Variants in GRM8 observed in about 807,000 individuals in gnomAD.
GRM8 encodes glutamate metabotropic receptor 8, also known as metabotropic glutamate receptor 8.
In GRM8, 47 loss-of-function variants were observed where a neutral mutation model predicts 87.2. That is an observed-to-expected ratio of 0.54 (90% CI 0.43 to 0.69). The LOEUF is 0.69. GRM8 is among the 30% of genes least tolerant of loss of function. The pLI is 0.00. For synonymous variants in GRM8, 396 were observed against 404.5 expected (o/e 0.98, Z 0.25); for missense variants, 1,019 against 1,139.2 (o/e 0.89, Z 1.52).
intron 9 of GRM8, among the ~76,000 whole-genome samples, chr7:126,486,697 A>C (rs1807413347): frequency 6.6e-6 from 1 of 152,094 alleles, no homozygotes; most frequent in Non-Finnish European, 1.5e-5. Context: ...TGAAATTAAA[A>C]CTGAGAAATA....
intron 7 of GRM8, among the ~76,000 whole-genome samples, chr7:126,696,259 G>T (rs115415320): frequency 5.5e-4 from 83 of 152,272 alleles, no homozygotes; most frequent in African/African-American, 1.9e-3. Context: ...TACATAAGTA[G>T]GATGTGCAGG....
At chr7:126,655,438 G>A (rs1402247737) in intron 7 of GRM8, among the ~76,000 whole-genome samples, 5 of 152,076 alleles carry the variant, frequency 3.3e-5, no homozygotes, top group East Asian at 1.9e-4. Flanking sequence ...TGTTGAGGGA[G>A]AGATCTGATG....
At chr7:126,867,228 A>T (rs1798678510) in intron 6 of GRM8, among the ~76,000 whole-genome samples, 1 of 152,194 alleles carries the variant, frequency 6.6e-6, no homozygotes, top group South Asian at 2.1e-4. Flanking sequence ...TAAGAACTAA[A>T]CAGGTCAGCG....
intron 3 of GRM8, among the ~76,000 whole-genome samples, chr7:127,022,192 A>G (rs572767031): frequency 2.0e-5 from 3 of 151,604 alleles, no homozygotes; most frequent in African/African-American, 7.3e-5. Flanking sequence ...TTCCAATACA[A>G]ATTTTATTAT....
intron 2 of GRM8, among the ~76,000 whole-genome samples, chr7:127,110,358 G>C (rs908470329): frequency 6.6e-6 from 1 of 152,090 alleles, no homozygotes; most frequent in African/African-American, 2.4e-5. Flanking sequence ...CCCTTCTCTA[G>C]CCACCTGCCC....
At chr7:126,875,297 G>T (rs1799440926) in intron 6 of GRM8, among the ~76,000 whole-genome samples, 1 of 150,800 alleles carries the variant, frequency 6.6e-6, no homozygotes, top group South Asian at 2.1e-4. Context: ...AAAACAAACA[G>T]AATAAACTGT....
At chr7:126,687,806 C>A (rs1209981079) in intron 7 of GRM8, among the ~76,000 whole-genome samples, 2 of 151,682 alleles carry the variant, frequency 1.3e-5, no homozygotes, top group Admixed American at 1.3e-4. Flanking sequence ...ATGTTGCTAT[C>A]TTATCTTTAA....
Position 126,665,271 on chromosome 7 carries a change from A to T in GRM8, c.1358-55773T>A, listed in dbSNP as rs188269461. Among the ~76,000 whole-genome samples, 203 of 152,290 alleles carry T rather than the reference A, an allele frequency of 1.3e-3. 1 individual carries two copies. The highest frequency in any genetic ancestry group is 4.7e-3 in the African/African-American group (194 of 41,558). On this transcript the variant is annotated intron_variant, in intron 7 of 10. Coordinates refer to ENST00000339582, the MANE Select transcript of GRM8 (RefSeq NM_000845.3). ...ACTGGGCAGATACCAAAGGAACATA[A>T]ATCATTCTACCAAAAAGACACATGT...
chr7:126,527,547 C>G (rs1814054067), intron 9 of GRM8, among the ~76,000 whole-genome samples: 1 of 152,152 alleles, frequency 6.6e-6, no homozygotes, highest in Admixed American at 6.5e-5. Flanking sequence ...CCAGTTTGAT[C>G]TATTCTGCAA....
Position 126,533,696 on chromosome 7 carries a change from G to A in GRM8, c.1686C>T (p.Pro562=), listed in dbSNP as rs112689085. Residue 562 remains proline (P), a synonymous_variant, in exon 9 of 11, where the codon CCC becomes CCT. Coordinates refer to ENST00000339582, the MANE Select transcript of GRM8 (RefSeq NM_000845.3). The part of the protein sequence containing the change: ...SCELCPLDQR[P]NMNRTGCQLI... ...GCTGGCAGCCTGTGCGGTTCATGTT[G>A]GGTCTCTGATCCAGAGGGCAAAGTT... 6.2e-7 allele frequency: 1 copy of A among 1,614,050 alleles called. No homozygotes were observed. The highest frequency in any genetic ancestry group is 1.1e-5 in the South Asian group (1 of 91,074).
At chr7:126,888,199 T>C (rs1449785703) in intron 6 of GRM8, among the ~76,000 whole-genome samples, 1 of 152,092 alleles carries the variant, frequency 6.6e-6, no homozygotes, top group Non-Finnish European at 1.5e-5. Context: ...AGCCAGCCCA[T>C]TCTGTGCCCT....
At chr7:126,879,852 T>C (rs776281843) in intron 6 of GRM8, among the ~76,000 whole-genome samples, 7 of 152,200 alleles carry the variant, frequency 4.6e-5, no homozygotes, top group Non-Finnish European at 1.0e-4. Context: ...TGTGTAGACA[T>C]ATAAGGTTAG....
intron 9 of GRM8, among the ~76,000 whole-genome samples, chr7:126,525,693 C>T (rs139336275): frequency 6.6e-6 from 1 of 152,164 alleles, no homozygotes; most frequent in Non-Finnish European, 1.5e-5. Context: ...GAGAGTTTCT[C>T]AGTTTTACCA....
intron 7 of GRM8, among the ~76,000 whole-genome samples, chr7:126,718,963 T>C (rs1248014409): frequency 6.6e-6 from 1 of 152,250 alleles, no homozygotes; most frequent in Non-Finnish European, 1.5e-5. Context: ...GTTACTTTTA[T>C]ATACTTTGGA....
intron 2 of GRM8, among the ~76,000 whole-genome samples, chr7:127,218,064 T>A (rs976479651): frequency 2.0e-5 from 3 of 152,188 alleles, no homozygotes; most frequent in African/African-American, 7.2e-5. Flanking sequence ...GAAATCCACA[T>A]TGTCAACATT....
At chr7:126,864,995 C>T (rs887422024) in intron 6 of GRM8, among the ~76,000 whole-genome samples, 1 of 152,172 alleles carries the variant, frequency 6.6e-6, no homozygotes, top group African/African-American at 2.4e-5. Flanking sequence ...AACCCATAGC[C>T]CTGGACAAAT....
At chr7:126,671,973 A>C (rs1410547954) in intron 7 of GRM8, among the ~76,000 whole-genome samples, 1 of 152,192 alleles carries the variant, frequency 6.6e-6, no homozygotes. Context: ...TCCAAGCTTC[A>C]GATAAAAACC....
At chr7:126,959,641 T>C (rs956272563) in intron 3 of GRM8, among the ~76,000 whole-genome samples, 1 of 152,240 alleles carries the variant, frequency 6.6e-6, no homozygotes, top group Non-Finnish European at 1.5e-5. Context: ...TGCAAAAATT[T>C]GCTTACCAAT....
At chr7:126,696,436 T>C (rs10267217) in intron 7 of GRM8, among the ~76,000 whole-genome samples, 3,324 of 152,162 alleles carry the variant, frequency 0.022, 116 homozygotes, top group African/African-American at 0.076. Flanking sequence ...CCTGTATCCA[T>C]CTGTTCTCAT....
Sources: allele counts gnomAD v4.1 joint callset (sites outside exome capture counted in the v4.1 genomes callset), GRCh38; gene constraint gnomAD v4.1.1; transcripts MANE v1.5; gene names NCBI Gene and HGNC (gene_info 2026-07-23, HGNC 2026-07-21).